Variants in SEMA4A observed in about 807,000 individuals in gnomAD.
SEMA4A encodes the protein semaphorin 4A.
SEMA4A carries 52 observed loss-of-function variants against 72.5 expected under a neutral mutation model. The ratio of observed to expected loss-of-function variants is 0.72; its 90% confidence interval spans 0.57 to 0.90. The LOEUF is 0.90. Ranked by LOEUF, SEMA4A falls within the 40% of genes least tolerant of loss-of-function variation. The pLI, the probability that SEMA4A is intolerant of heterozygous loss-of-function variation, is 0.00. For missense variants in SEMA4A, 926 were observed against 959.7 expected (o/e 0.96, Z 0.46); for synonymous variants, 369 against 393.1 (o/e 0.94, Z 0.73).
chr1:156,171,408 G>A (rs762980222), intron 10 of SEMA4A, among the ~76,000 whole-genome samples: 1 of 152,182 alleles, frequency 6.6e-6, no homozygotes, highest in Non-Finnish European at 1.5e-5. Context: ...TTCTCCCAGA[G>A]TCATGCAGCA....
intron 10 of SEMA4A, among the ~76,000 whole-genome samples, chr1:156,163,720 CAAAAAAAAAAAAAAAAAAA>C (rs34408918): frequency 5.6e-5 from 1 of 17,754 alleles, no homozygotes; most frequent in Non-Finnish European, 1.0e-4. Flanking sequence ...GACTCAGTCT[CAAAAAAAAAAAAAAAAAAA>C]AAAAAAAAAA....
At chr1:156,169,113 G>A (rs182109121) in intron 10 of SEMA4A, among the ~76,000 whole-genome samples, 2 of 152,308 alleles carry the variant, frequency 1.3e-5, no homozygotes, top group East Asian at 1.9e-4. Context: ...GAGAGTACCT[G>A]CCTGTTTCTT....
rs1558153027 is a variant in SEMA4A, at chr1:156,163,108, C to G, written c.1134+14C>G. ...CGGCCAGGCAGTGTGAGTACTACCC[C>G]CCACACTGAGCACAGTCTACACATA... On this transcript the variant is annotated intron_variant, in intron 10 of 14. Coordinates refer to ENST00000368285, the MANE Select transcript of SEMA4A (RefSeq NM_022367.4). The G allele has an allele frequency of 1.2e-6, 2 of 1,608,036 alleles. No individual in the cohort carries two copies. Among genetic ancestry groups the G allele is most frequent in the Non-Finnish European group, 1.7e-6 (2 of 1,176,488 alleles).
chr1:156,175,712 C>T, intron 14 of SEMA4A, 56 bp downstream of exon 14: 1 of 1,256,518 alleles, frequency 8.0e-7, no homozygotes, highest in Non-Finnish European at 1.1e-6. Context: ...GACTTTTGGG[C>T]AGGGGTGGGC....
In SEMA4A at chr1:156,158,958, T is replaced by A. The variant is rs1231476562; in HGVS notation, c.568+134T>A. On this transcript the variant is annotated intron_variant, in intron 6 of 14. Coordinates refer to ENST00000368285, the MANE Select transcript of SEMA4A (RefSeq NM_022367.4). ...GATGCGTGCATATGGTCCCAGTTATTTGGAAGCTGAAGTTGAAGGATGCTT... is the reference window on the plus strand; with the variant it reads ...GATGCGTGCATATGGTCCCAGTTATATGGAAGCTGAAGTTGAAGGATGCTT... 3.8e-6 allele frequency: 3 copies of A among 782,240 alleles called. No individual in the cohort carries two copies. The African/African-American group carries it at 5.1e-5, about 13-fold the overall frequency. The allele number at this position is 782,240 out of a possible 1,614,324, so 48.5% of individuals were successfully genotyped here.
chr1:156,158,031 A>G (rs1297927498), intron 3 of SEMA4A, 39 bp from the exon 4 acceptor site: 2 of 1,609,552 alleles, frequency 1.2e-6, no homozygotes, highest in Admixed American at 1.7e-5. Context: ...TGAGGACCTT[A>G]TTTCTTTTCA....
chr1:156,156,450 A>G lies in SEMA4A; in HGVS notation c.176A>G (p.Lys59Arg), dbSNP rs1438510299. ...AGGGCACTTAGCTTCTTCCACCAGA[A>G]GGGCCTCCAGGATTTTGACACTCTG... ...ERRALSFFHQKGLQDFDTLLL... is the reference protein window; with the variant it reads ...ERRALSFFHQRGLQDFDTLLL... Residue 59 changes from lysine (K) to arginine (R), a missense_variant, in exon 3 of 15, where the codon AAG (lysine) becomes AGG (arginine). Lys to Arg is a conservative substitution (Grantham distance 26). Coordinates refer to ENST00000368285, the MANE Select transcript of SEMA4A (RefSeq NM_022367.4). The G allele has an allele frequency of 1.2e-6, 2 of 1,614,110 alleles. No individual in the cohort carries two copies. The highest frequency in any genetic ancestry group is 1.7e-6 in the Non-Finnish European group (2 of 1,179,988).
intron 9 of SEMA4A, among the ~76,000 whole-genome samples, chr1:156,162,429 A>G (rs183920765): frequency 5.4e-4 from 83 of 152,356 alleles, no homozygotes; most frequent in African/African-American, 2.0e-3. Flanking sequence ...CACAGGATCC[A>G]GAATTGAGAG....
Position 156,156,482 on chromosome 1 carries a change from A to G in SEMA4A, c.208A>G (p.Ser70Gly), listed in dbSNP as rs766643468. 19 of 1,613,988 alleles carry G rather than the reference A, an allele frequency of 1.2e-5. No individual in the cohort carries two copies. Among genetic ancestry groups the G allele is most frequent in the Non-Finnish European group, 1.6e-5 (19 of 1,179,948 alleles). The change falls in exon 3 of 15, where the codon AGT (serine) becomes GGT (glycine). Residue 70 changes from serine to glycine, a missense_variant. Ser to Gly is a moderately conservative substitution (Grantham distance 56). Transcript: ENST00000368285. ...CCAGGATTTTGACACTCTGCTCCTG[A>G]GTGGTGATGGAAATACTCTCTACGT... is the stretch of plus-strand genomic sequence containing the variant. ...GLQDFDTLLL[S>G]GDGNTLYVGA...
chr1:156,151,917 T>G (rs905952646), upstream of SEMA4A, among the ~76,000 whole-genome samples: 1 of 136,790 alleles, frequency 7.3e-6, no homozygotes, highest in South Asian at 2.5e-4. Flanking sequence ...TCCTCAGAAA[T>G]CACCCCAGAG....
At chr1:156,161,224 TGGGGACACGCGGGGCTGGCGGGGACTGG>T in intron 8 of SEMA4A, 94 bp from the exon 9 acceptor site, 2 of 296,208 alleles carry the variant, frequency 6.8e-6, no homozygotes, top group Non-Finnish European at 1.1e-5. Flanking sequence ...GGGGGCGGGG[TGGGGACACGCGGGGCTGGCGGGGACTGG>T]GGGGACACGC....
chr1:156,149,303 T>A (rs1652351662), upstream of SEMA4A, among the ~76,000 whole-genome samples: 1 of 152,190 alleles, frequency 6.6e-6, no homozygotes, highest in Non-Finnish European at 1.5e-5. Context: ...TTTCCCTATG[T>A]CCATCTAGTC....
chr1:156,169,711 C>T (rs1053965561), intron 10 of SEMA4A, among the ~76,000 whole-genome samples: 6 of 150,868 alleles, frequency 4.0e-5, no homozygotes, highest in South Asian at 2.1e-4. Context: ...TGAGCCACCA[C>T]GCCTGGCTGG....
upstream of SEMA4A, among the ~76,000 whole-genome samples, chr1:156,150,858 GTGT>G (rs1382463184): frequency 5.3e-5 from 8 of 152,250 alleles, no homozygotes; most frequent in Admixed American, 2.6e-4. Context: ...GGTGCACTCA[GTGT>G]TGTTGTCATG....
Position 156,157,032 on chromosome 1 carries a change from T to G in SEMA4A, c.300+458T>G, listed in dbSNP as rs897890325. 6.6e-6 allele frequency among the ~76,000 whole-genome samples: 1 copy of G among 152,014 alleles called. No homozygotes were observed. Among genetic ancestry groups the G allele is most frequent in the Non-Finnish European group, 1.5e-5 (1 of 67,990 alleles). ...CAGGCGTGAGCCACCGCACCCGGCC[T>G]GTGACTTCACTCTTCACTGGTATTG... On this transcript the variant is annotated intron_variant, in intron 3 of 14. Coordinates refer to ENST00000368285, the MANE Select transcript of SEMA4A (RefSeq NM_022367.4). The surrounding 1 kb of genome is among the most constrained non-coding windows in gnomAD (Gnocchi z 4.5).
chr1:156,147,688 A>G (rs1400542131), upstream of SEMA4A, among the ~76,000 whole-genome samples: 2 of 151,984 alleles, frequency 1.3e-5, no homozygotes, highest in African/African-American at 4.8e-5. Flanking sequence ...TCATTTTCTA[A>G]ATTCCATCAG....
At chr1:156,174,125 G>A (rs912502291) in intron 11 of SEMA4A, among the ~76,000 whole-genome samples, 1 of 151,916 alleles carries the variant, frequency 6.6e-6, no homozygotes, top group East Asian at 1.9e-4. Flanking sequence ...AAAAAAAATA[G>A]CCATTGTGGA....
intron 3 of SEMA4A, among the ~76,000 whole-genome samples, chr1:156,156,786 C>T (rs1653081966): frequency 6.6e-6 from 1 of 150,708 alleles, no homozygotes; most frequent in African/African-American, 2.5e-5. Context: ...CTCCGTTGCC[C>T]AGGCTGGAGT....
At chr1:156,159,976 C>A (rs1183024282) in intron 6 of SEMA4A, among the ~76,000 whole-genome samples, 1 of 150,998 alleles carries the variant, frequency 6.6e-6, no homozygotes, top group African/African-American at 2.4e-5. Flanking sequence ...CTACTGGACA[C>A]CAACCATTAC....
Sources: gnomAD v4.1 joint callset for allele counts (sites outside exome capture counted in the v4.1 genomes callset) on GRCh38, gnomAD v4.1.1 for gene constraint, Gnocchi (gnomAD v3.1) non-coding constraint, MANE v1.5 for transcripts, NCBI Gene and HGNC (gene_info 2026-07-23, HGNC 2026-07-21) for gene names.